KIAA1671: variants seen among roughly 807,000 people sequenced by gnomAD.
KIAA1671 encodes KIAA1671, also known as uncharacterized protein KIAA1671.
A neutral mutation model predicts 131.2 loss-of-function variants in KIAA1671; 52 were observed. That is an observed-to-expected ratio of 0.40 (90% CI 0.32 to 0.50). KIAA1671 has a LOEUF of 0.50. Among genes scored for constraint, KIAA1671 ranks in the 20% least tolerant of loss-of-function variants. The pLI is 0.73. For missense variants in KIAA1671, 2,360 were observed against 2,364.2 expected (o/e 1.00, Z 0.04); for synonymous variants, 1,003 against 961.6 (o/e 1.04, Z -0.80).
At chr22:25,004,418 A>T (rs1924632985) in intron 1 of KIAA1671, among the ~76,000 whole-genome samples, 1 of 152,114 alleles carries the variant, frequency 6.6e-6, no homozygotes, top group African/African-American at 2.4e-5. Flanking sequence ...CTGAAATGGG[A>T]TCTTCATGTC....
intron 6 of KIAA1671, among the ~76,000 whole-genome samples, chr22:25,098,952 G>A (rs1930517964): frequency 1.3e-5 from 2 of 152,212 alleles, no homozygotes; most frequent in African/African-American, 2.4e-5. Flanking sequence ...CTCCTGTGTG[G>A]AGGCGTGCTC....
intron 6 of KIAA1671, among the ~76,000 whole-genome samples, chr22:25,114,486 A>G (rs1305598706): frequency 6.6e-6 from 1 of 152,224 alleles, no homozygotes; most frequent in African/African-American, 2.4e-5. Flanking sequence ...AGATAAGTCA[A>G]CGAAACGCAA....
chr22:25,133,080 C>T (rs1248517192), intron 6 of KIAA1671, among the ~76,000 whole-genome samples: 1 of 148,802 alleles, frequency 6.7e-6, no homozygotes, highest in African/African-American at 2.5e-5. Context: ...AAAAAAATAC[C>T]AGAGACAATA....
intron 4 of KIAA1671, among the ~76,000 whole-genome samples, chr22:25,033,584 T>TG (rs1926417123): frequency 8.1e-6 from 1 of 123,522 alleles, no homozygotes; most frequent in Non-Finnish European, 1.7e-5. Context: ...GTTTTTTTTT[T>TG]TTTTTTTTTT....
intron 5 of KIAA1671, among the ~76,000 whole-genome samples, chr22:25,046,416 A>G (rs1161446784): frequency 6.6e-6 from 1 of 151,220 alleles, no homozygotes; most frequent in Non-Finnish European, 1.5e-5. Flanking sequence ...TCCTCTCTCC[A>G]TCCCTTCCTC....
chr22:25,065,927 C>T (rs747473145), intron 6 of KIAA1671, among the ~76,000 whole-genome samples: 72 of 152,186 alleles, frequency 4.7e-4, no homozygotes, highest in Non-Finnish European at 8.1e-4. Flanking sequence ...GTGTGAGCCA[C>T]TGCGCCTGAT....
At chr22:24,972,340 G>A (rs1011230934) in intron 1 of KIAA1671, among the ~76,000 whole-genome samples, 1 of 152,150 alleles carries the variant, frequency 6.6e-6, no homozygotes, top group Admixed American at 6.5e-5. Flanking sequence ...TAAGCATATG[G>A]TCAGAACTAC....
At chr22:24,998,758 T>C (rs1726558436) in intron 1 of KIAA1671, among the ~76,000 whole-genome samples, 1 of 148,966 alleles carries the variant, frequency 6.7e-6, no homozygotes, top group South Asian at 2.1e-4. Flanking sequence ...AATACTCTCA[T>C]AAATGATCAC....
chr22:25,116,367 C>T (rs1255943991), intron 6 of KIAA1671, among the ~76,000 whole-genome samples: 1 of 151,094 alleles, frequency 6.6e-6, no homozygotes, highest in Non-Finnish European at 1.5e-5. Context: ...GCCACTGTAC[C>T]CCACCCCCTC....
chr22:25,077,631 G>T (rs774507459), intron 6 of KIAA1671, among the ~76,000 whole-genome samples: 8 of 152,290 alleles, frequency 5.3e-5, no homozygotes, highest in Non-Finnish European at 1.0e-4. Flanking sequence ...AGCTTCTTGG[G>T]GAAGGTGCAG....
intron 6 of KIAA1671, among the ~76,000 whole-genome samples, chr22:25,096,823 G>A (rs1191550771): frequency 6.6e-6 from 1 of 152,190 alleles, no homozygotes; most frequent in Non-Finnish European, 1.5e-5. Flanking sequence ...TTCTGCCACT[G>A]TGGATTAGTC....
intron 4 of KIAA1671, among the ~76,000 whole-genome samples, chr22:25,034,674 G>A (rs1926490564): frequency 6.6e-6 from 1 of 151,880 alleles, no homozygotes; most frequent in Non-Finnish European, 1.5e-5. Context: ...AACATTTGTG[G>A]ACAAGGCTTT....
At chr22:24,985,608 G>A (rs1923481012) in intron 1 of KIAA1671, among the ~76,000 whole-genome samples, 1 of 152,074 alleles carries the variant, frequency 6.6e-6, no homozygotes, top group Admixed American at 6.6e-5. Flanking sequence ...CAAAGTGCTG[G>A]GATTACAGGC....
intron 6 of KIAA1671, among the ~76,000 whole-genome samples, chr22:25,080,209 C>G (rs981142172): frequency 3.9e-5 from 6 of 152,152 alleles, no homozygotes; most frequent in African/African-American, 1.4e-4. Context: ...CCGGTGTCAG[C>G]ATACGTTCTC....
At chr22:25,093,035 G>A (rs1381290770) in intron 6 of KIAA1671, among the ~76,000 whole-genome samples, 2 of 152,162 alleles carry the variant, frequency 1.3e-5, no homozygotes, top group African/African-American at 2.4e-5. Context: ...ACTGAGTTTT[G>A]GAAGCAGACA....
chr22:25,019,249 G>A (rs552667507), intron 1 of KIAA1671, among the ~76,000 whole-genome samples: 1 of 152,282 alleles, frequency 6.6e-6, no homozygotes, highest in Non-Finnish European at 1.5e-5. Context: ...CCATGGGCAA[G>A]TCACAGCACT....
At chr22:25,083,995 G>A (rs559050132) in intron 6 of KIAA1671, among the ~76,000 whole-genome samples, 20 of 152,382 alleles carry the variant, frequency 1.3e-4, no homozygotes, top group Admixed American at 2.6e-4. Flanking sequence ...CTCCTGGAGG[G>A]ATGACCTAAG....
chr22:25,156,457 T>A (rs1298146225), intron 6 of KIAA1671, among the ~76,000 whole-genome samples: 1 of 152,118 alleles, frequency 6.6e-6, no homozygotes, highest in African/African-American at 2.4e-5. Context: ...TTGTGTTTTG[T>A]GTACATGTTT....
Position 25,040,761 on chromosome 22 carries a change from C to T in KIAA1671, c.3631C>T (p.Leu1211=). Reference sequence around the variant, plus strand: ...CGCCCTGATGGCAGAGTACCAGGAGCTGTCGCTGAAAGTCCCTGGGGAGGC... The same window carrying T: ...CGCCCTGATGGCAGAGTACCAGGAGTTGTCGCTGAAAGTCCCTGGGGAGGC... ...IDALMAEYQE[L]SLKVPGEAQE... Residue 1211 remains leucine (L), a synonymous_variant, in exon 5 of 13, where the codon CTG becomes TTG. Transcript: ENST00000358431. 1.9e-6 allele frequency: 3 copies of T among 1,551,840 alleles called. No individual in the cohort carries two copies. Among genetic ancestry groups the T allele is most frequent in the Non-Finnish European group, 2.6e-6 (3 of 1,147,050 alleles).
Sources: gnomAD v4.1 joint callset for allele counts (sites outside exome capture counted in the v4.1 genomes callset) on GRCh38, gnomAD v4.1.1 for gene constraint, MANE v1.5 for transcripts, NCBI Gene and HGNC (gene_info 2026-07-23, HGNC 2026-07-21) for gene names.